The following CFH variants were observed in gnomAD, a reference collection of about 807,000 sequenced individuals.
The protein encoded by CFH is H factor 1 (complement).
In CFH, 53 loss-of-function variants were observed where a neutral mutation model predicts 147.3. The ratio of observed to expected loss-of-function variants is 0.36; its 90% confidence interval spans 0.29 to 0.45. The LOEUF (loss-of-function observed/expected upper bound fraction) is 0.45, where lower values mean the gene tolerates loss of function less well. Ranked by LOEUF, CFH falls within the 20% of genes least tolerant of loss-of-function variation. The pLI is 1.00. For missense variants in CFH, 1,380 were observed against 1,498.0 expected (o/e 0.92, Z 1.30); for synonymous variants, 536 against 489.4 (o/e 1.10, Z -1.26).
At chr1:196,713,652 T>G in intron 9 of CFH, 83 bp from the exon 10 acceptor site, 1 of 918,794 alleles carries the variant, frequency 1.1e-6, no homozygotes, top group Non-Finnish European at 1.7e-6. Flanking sequence ...GACTCATTAT[T>G]TTTTATATTT....
chr1:196,746,362 A>T (rs36054875), intron 21 of CFH, among the ~76,000 whole-genome samples: 1 of 152,134 alleles, frequency 6.6e-6, no homozygotes, highest in Non-Finnish European at 1.5e-5. Context: ...GAGGCAGGAA[A>T]ATGGCGGGAA....
intron 6 of CFH, among the ~76,000 whole-genome samples, chr1:196,680,948 A>G (rs917634102): frequency 2.0e-5 from 3 of 151,904 alleles, no homozygotes; most frequent in African/African-American, 4.8e-5. Flanking sequence ...GAAAGAAATT[A>G]ATGAACATGA....
At position 196,679,644 on chromosome 1, in the gene CFH, A is replaced by T; in HGVS notation, c.641A>T (p.Asp214Val). 1 of 1,605,464 alleles carries T rather than the reference A, an allele frequency of 6.2e-7. No individual in the cohort carries two copies. Among genetic ancestry groups the T allele is most frequent in the South Asian group, 1.1e-5 (1 of 90,724 alleles). ...TTAGAAATTTCATGCAAATCCCCAG[A>T]TGTTATAAATGGATCTCCTATATCT... is the stretch of plus-strand genomic sequence containing the variant. Reference protein sequence around the residue: ...KCVEISCKSPDVINGSPISQK... With the variant: ...KCVEISCKSPVVINGSPISQK... The change falls in exon 6 of 22, where the codon GAT becomes GTT. Residue 214 changes from aspartate (D) to valine (V), a missense_variant. Transcript: ENST00000367429.
Position 196,737,479 on chromosome 1 carries a change from A to C in CFH, c.2601A>C (p.Lys867Asn), listed in dbSNP as rs774974393. The C allele has an allele frequency of 1.9e-6, 3 of 1,610,476 alleles. No homozygotes were observed. Among genetic ancestry groups the C allele is most frequent in the Admixed American group, 1.7e-5 (1 of 59,920 alleles). ...RWQSIPLCVE[K>N]IPCSQPPQIE... ...TGATTTTCATTCTTCATTTAGAAAA[A>C]ATTCCATGTTCACAACCACCTCAGA... Residue 867 changes from lysine (K) to asparagine (N), a missense_variant, in exon 17 of 22, where the codon AAA becomes AAC. By Grantham distance (94) the Lys-to-Asn change is moderately conservative (BLOSUM62 0). Around this residue, in one of 4 missense-constraint regions of CFH, gnomAD observed 830 missense variants for 821.4 expected, o/e 1.01. Coordinates refer to ENST00000367429, the MANE Select transcript of CFH (RefSeq NM_000186.4).
chr1:196,693,239 G>T (rs1456664329), intron 9 of CFH, among the ~76,000 whole-genome samples: 3 of 152,042 alleles, frequency 2.0e-5, no homozygotes, highest in African/African-American at 2.4e-5. Flanking sequence ...ATATTGGAGT[G>T]TATCCTTTAT....
chr1:196,658,462 A>G (rs1484548562), intron 1 of CFH, among the ~76,000 whole-genome samples: 1 of 126,070 alleles, frequency 7.9e-6, no homozygotes, highest in African/African-American at 3.2e-5. Context: ...CCCAGGCTGG[A>G]GTGCAGTGTC....
chr1:196,719,420 C>G (rs149022757), intron 11 of CFH, among the ~76,000 whole-genome samples: 1 of 151,842 alleles, frequency 6.6e-6, no homozygotes, highest in African/African-American at 2.4e-5. Flanking sequence ...CCCAGTGATT[C>G]TCATTCAAGT....
intron 3 of CFH, 75 bp downstream of exon 3, chr1:196,674,037 G>T: frequency 9.7e-7 from 1 of 1,033,224 alleles, no homozygotes; most frequent in Non-Finnish European, 1.5e-6. Context: ...ATATTTTTAA[G>T]GTTATTATAT....
intron 9 of CFH, among the ~76,000 whole-genome samples, chr1:196,711,126 T>A (rs1322430980): frequency 6.6e-6 from 1 of 152,162 alleles, no homozygotes; most frequent in Non-Finnish European, 1.5e-5. Context: ...AGATCTAAAA[T>A]AACAAGCTTT....
chr1:196,741,271 TA>T, intron 18 of CFH: 1 of 174,194 alleles, frequency 5.7e-6, no homozygotes, highest in Non-Finnish European at 1.2e-5. Context: ...GGGTAATTTA[TA>T]AAAGAAAAAA....
intron 17 of CFH, 137 bp downstream of exon 17, chr1:196,737,797 T>G: frequency 1.6e-6 from 1 of 612,536 alleles, no homozygotes; most frequent in Non-Finnish European, 2.7e-6. Context: ...AAAATACTTT[T>G]TGCATGATTG....
chr1:196,684,971 A>C, intron 6 of CFH, 93 bp from the exon 7 acceptor site: 1 of 993,898 alleles, frequency 1.0e-6, no homozygotes, highest in Non-Finnish European at 1.6e-6. Context: ...GCTAAGGACA[A>C]ATAAATAACA....
chr1:196,742,220 CA>C (rs202063301), intron 19 of CFH, among the ~76,000 whole-genome samples, 169 bp downstream of exon 19: 2,965 of 151,916 alleles, frequency 0.02, 90 homozygotes, highest in African/African-American at 0.067. Flanking sequence ...ACTAAAAATA[CA>C]AAAAAATAGT....
chr1:196,697,185 C>T (rs2149094001), intron 9 of CFH, among the ~76,000 whole-genome samples: 1 of 152,252 alleles, frequency 6.6e-6, no homozygotes, highest in East Asian at 1.9e-4. Context: ...AGCTTCTGCA[C>T]AGCAAAAGAA....
At chr1:196,668,383 A>T (rs1262540365) in intron 1 of CFH, among the ~76,000 whole-genome samples, 1 of 152,188 alleles carries the variant, frequency 6.6e-6, no homozygotes, top group Non-Finnish European at 1.5e-5. Flanking sequence ...ATGCTAAGAC[A>T]TATATATTCA....
At position 196,713,817 on chromosome 1, in the gene CFH, G is replaced by A. The variant is rs2274700; in HGVS notation, c.1419G>A (p.Ala473=). 0.42 allele frequency: 679,796 copies of A among 1,610,552 alleles called. 145,615 individuals carry two copies. Among genetic ancestry groups the A allele is most frequent in the South Asian group, 0.55 (49,649 of 91,006 alleles). ...ATACATATGCCTTAAAAGAAAAAGC[G>A]AAATATCAATGCAAACTAGGATATG... ...SQYTYALKEK[A]KYQCKLGYVT... is the part of the protein sequence containing the mutation. Residue 473 remains alanine, a synonymous_variant, in exon 10 of 22, where the codon GCG becomes GCA. Transcript: ENST00000367429.
intron 18 of CFH, chr1:196,741,624 T>G: frequency 2.2e-6 from 1 of 458,116 alleles, no homozygotes; most frequent in South Asian, 2.3e-5. Context: ...AAAAAATGTG[T>G]AATCTCAATT....
chr1:196,745,281 T>C (rs1331217894), intron 20 of CFH, among the ~76,000 whole-genome samples: 1 of 152,142 alleles, frequency 6.6e-6, no homozygotes, highest in Non-Finnish European at 1.5e-5. Context: ...TCTCTTCTTT[T>C]TCTGCATCGG....
chr1:196,740,931 T>C, intron 18 of CFH, 139 bp downstream of exon 18: 1 of 848,772 alleles, frequency 1.2e-6, no homozygotes, highest in Non-Finnish European at 1.9e-6. Flanking sequence ...TGGGAAATTA[T>C]AGCTGTAGTA....
Sources: allele counts gnomAD v4.1 joint callset (sites outside exome capture counted in the v4.1 genomes callset), GRCh38; gene constraint gnomAD v4.1.1; regional missense constraint gnomAD v4.1.1; transcripts MANE v1.5; gene names NCBI Gene and HGNC (gene_info 2026-07-23, HGNC 2026-07-21).